SARNP: variants seen among roughly 807,000 people sequenced by gnomAD.
The protein encoded by SARNP is SAP domain-containing ribonucleoprotein.
In SARNP, 5 loss-of-function variants were observed where a neutral mutation model predicts 38.1. The ratio of observed to expected loss-of-function variants is 0.13; its 90% CI spans 0.07 to 0.28. The LOEUF (loss-of-function observed/expected upper bound fraction) is 0.28. Ranked by LOEUF, SARNP falls within the 10% of genes least tolerant of loss-of-function variation. The pLI is 1.00. For synonymous variants in SARNP, 84 were observed against 80.6 expected (o/e 1.04, Z -0.23); for missense variants, 180 against 243.9 (o/e 0.74, Z 1.75).
Position 55,764,603 on chromosome 12 carries a change from G to A in SARNP, c.502-3963C>T, listed in dbSNP as rs143539027. Among the ~76,000 whole-genome samples the A allele has an allele frequency of 3.2e-4, 48 of 151,140 alleles. No homozygotes were observed. The East Asian group carries it at 6.0e-3, about 19-fold the overall frequency. On this transcript the variant is annotated intron_variant, in intron 9 of 10. Transcript: ENST00000336133. ...GGTAATCCCAGCACTTTGGGAGGCCGAGGCAGGCAAATCACAAGGTCAAGA... is the reference window on the plus strand; with the variant it reads ...GGTAATCCCAGCACTTTGGGAGGCCAAGGCAGGCAAATCACAAGGTCAAGA...
At chr12:55,791,549 G>T (rs1052710104) in intron 7 of SARNP, among the ~76,000 whole-genome samples, 8 of 152,042 alleles carry the variant, frequency 5.3e-5, no homozygotes, top group Non-Finnish European at 7.4e-5. Flanking sequence ...ACAAAAATCA[G>T]CCAGGCGTGG....
Position 55,794,840 on chromosome 12 carries a change from C to A in SARNP, c.344G>T (p.Ser115Ile), listed in dbSNP as rs1253109352. ...KRAERFNVPV[S>I]LESKKAARAA... ...CCGAGCAGCTTTCTTACTCTCCAAG[C>A]TCACAGGTACATTGAATCGTTCAGC... The change falls in exon 6 of 11, where the codon AGC becomes ATC. Residue 115 changes from serine to isoleucine, a missense_variant. Physicochemically the swap from Ser to Ile is moderately radical, Grantham distance 142. This residue lies in a region of SARNP where 161 missense variants were observed against 194.1 expected (regional missense o/e 0.83). Transcript: ENST00000336133. The A allele has an allele frequency of 6.2e-7, 1 of 1,612,432 alleles. No individual in the cohort carries two copies. Among genetic ancestry groups the A allele is most frequent in the Non-Finnish European group, 8.5e-7 (1 of 1,179,112 alleles).
chr12:55,783,157 C>G (rs1454420951), intron 9 of SARNP, among the ~76,000 whole-genome samples: 1 of 151,962 alleles, frequency 6.6e-6, no homozygotes, highest in Non-Finnish European at 1.5e-5. Flanking sequence ...CTGTCCTTCA[C>G]CAACGGCACT....
chr12:55,752,693 ACTT>A (rs1344145496), downstream of SARNP: 1 of 152,186 alleles, frequency 6.6e-6, no homozygotes, highest in East Asian at 1.9e-4. Flanking sequence ...CCAGGAAAGA[ACTT>A]CTTCAACTGA....
intron 9 of SARNP, among the ~76,000 whole-genome samples, chr12:55,782,616 T>C (rs1483421711): frequency 1.3e-5 from 2 of 152,146 alleles, no homozygotes; most frequent in Non-Finnish European, 2.9e-5. Flanking sequence ...AGATGGGGTC[T>C]CACTCCATCA....
chr12:55,756,211 T>C (rs901089416), downstream of SARNP: 9 of 152,332 alleles, frequency 5.9e-5, no homozygotes, highest in South Asian at 2.1e-4. Flanking sequence ...TTAAGGTTTA[T>C]TTGGTTGAAG....
chr12:55,802,361 G>T (rs567674367), intron 2 of SARNP, among the ~76,000 whole-genome samples: 2 of 151,550 alleles, frequency 1.3e-5, no homozygotes, highest in African/African-American at 4.8e-5. Flanking sequence ...TAGTATATAG[G>T]ATATAGTATA....
chr12:55,789,234 A>C, intron 8 of SARNP, 91 bp from the exon 9 acceptor site: 3 of 866,414 alleles, frequency 3.5e-6, no homozygotes, highest in Non-Finnish European at 3.6e-6. Flanking sequence ...TAAGAGTTCA[A>C]ATAAGCCTAT....
At chr12:55,774,032 T>G (rs2136185216) in intron 9 of SARNP, among the ~76,000 whole-genome samples, 1 of 152,036 alleles carries the variant, frequency 6.6e-6, no homozygotes, top group Middle Eastern at 3.4e-3. Context: ...AGACAGAGTC[T>G]CTCGCTCTGT....
chr12:55,810,847 C>T (rs12832301), intron 1 of SARNP, among the ~76,000 whole-genome samples: 13 of 149,890 alleles, frequency 8.7e-5, no homozygotes, highest in Non-Finnish European at 1.0e-4. Flanking sequence ...GAGTCCGAGG[C>T]GGGCGGATCA....
At chr12:55,762,480 C>T (rs1490324510) in intron 9 of SARNP, 2 of 152,022 alleles carry the variant, frequency 1.3e-5, no homozygotes, top group Non-Finnish European at 2.9e-5. Flanking sequence ...CCATGTTGGT[C>T]AGGCTGGTCT....
intron 9 of SARNP, chr12:55,761,656 T>A (rs1436713220): frequency 6.6e-6 from 1 of 152,218 alleles, no homozygotes; most frequent in African/African-American, 2.4e-5. Context: ...CTGCTCAGTA[T>A]AAGAGTCTAT....
chr12:55,782,613 G>T (rs1461046733), intron 9 of SARNP, among the ~76,000 whole-genome samples: 2 of 152,026 alleles, frequency 1.3e-5, no homozygotes, highest in East Asian at 3.9e-4. Context: ...GGGAGATGGG[G>T]TCTCACTCCA....
chr12:55,761,655 A>G (rs960909433), intron 9 of SARNP: 7 of 152,220 alleles, frequency 4.6e-5, no homozygotes, highest in African/African-American at 1.2e-4. Context: ...ACTGCTCAGT[A>G]TAAGAGTCTA....
intron 9 of SARNP, among the ~76,000 whole-genome samples, chr12:55,785,694 T>G (rs1879470553): frequency 6.6e-6 from 1 of 151,350 alleles, no homozygotes; most frequent in African/African-American, 2.4e-5. Context: ...AAAAATCACT[T>G]GAACCCAGGA....
chr12:55,754,870 G>A (rs1878455469), downstream of SARNP: 1 of 152,172 alleles, frequency 6.6e-6, no homozygotes, highest in African/African-American at 2.4e-5. Flanking sequence ...TTAAACCTAA[G>A]TAGTTGCTAA....
intron 1 of SARNP, among the ~76,000 whole-genome samples, chr12:55,810,823 T>C (rs1170447510): frequency 2.0e-5 from 3 of 150,368 alleles, no homozygotes; most frequent in East Asian, 4.0e-4. Flanking sequence ...ACGCCTGTAA[T>C]CCCAACACTT....
chr12:55,768,441 T>C (rs1878910789), intron 9 of SARNP, among the ~76,000 whole-genome samples: 1 of 150,738 alleles, frequency 6.6e-6, no homozygotes, highest in Non-Finnish European at 1.5e-5. Context: ...TCTTATTTTT[T>C]TGAGACTGAG....
chr12:55,805,331 A>G (rs1880107353), intron 1 of SARNP, among the ~76,000 whole-genome samples: 2 of 152,278 alleles, frequency 1.3e-5, no homozygotes, highest in Non-Finnish European at 2.9e-5. Flanking sequence ...TGGGGCGGGC[A>G]GGCAGGGATG....
Sources: allele counts gnomAD v4.1 joint callset (sites outside exome capture counted in the v4.1 genomes callset), GRCh38; gene constraint gnomAD v4.1.1; regional missense constraint gnomAD v4.1.1; transcripts MANE v1.5; gene names NCBI Gene and HGNC (gene_info 2026-07-23, HGNC 2026-07-21).